The following PKD2L1 variants were observed in gnomAD, a reference collection of about 807,000 sequenced individuals.
PKD2L1 encodes the protein polycystin 2 like 1, transient receptor potential cation channel.
A neutral mutation model predicts 93.0 loss-of-function variants in PKD2L1; 77 were observed. The ratio of observed to expected loss-of-function variants is 0.83; its 90% CI spans 0.69 to 1.00. PKD2L1 has a LOEUF of 1.00. Among genes scored for constraint, PKD2L1 ranks in the 50% least tolerant of loss-of-function variants. The probability of loss-of-function intolerance (pLI) is 0.00; values close to 1 mark genes in which losing one functional copy is unlikely to be tolerated. For synonymous variants in PKD2L1, 390 were observed against 388.0 expected (o/e 1.01, Z -0.06); for missense variants, 977 against 990.9 (o/e 0.99, Z 0.19).
At chr10:100,291,253 G>A (rs1186140477) in intron 12 of PKD2L1, 48 bp downstream of exon 12, 4 of 1,583,234 alleles carry the variant, frequency 2.5e-6, no homozygotes, top group South Asian at 2.3e-5. Flanking sequence ...GGAAGGAGAG[G>A]GTGAGCTATT....
In PKD2L1 at chr10:100,296,034, C is replaced by CAAA. The variant is rs200777805; in HGVS notation, c.1356+85_1356+87dup. 614 of 979,936 alleles carry CAAA rather than the reference C, an allele frequency of 6.3e-4. 1 individual carries two copies. Among genetic ancestry groups the CAAA allele is most frequent in the African/African-American group, 5.6e-3 (236 of 42,282 alleles). 60.7% of individuals were successfully genotyped at this position (979,936 alleles called of 1,614,324 possible). Reference sequence around the variant, plus strand: ...CCTGGGCAAGAGCGAGACTCCATCTCAAAAAAAAAAAAAAGAAAAAAAAGA... The same window carrying CAAA: ...CCTGGGCAAGAGCGAGACTCCATCTCAAAAAAAAAAAAAAAAAGAAAAAAAAGA... On this transcript the variant is annotated intron_variant, in intron 7 of 15. Transcript: ENST00000318222.
chr10:100,318,996 C>T (rs923846206), intron 2 of PKD2L1, among the ~76,000 whole-genome samples: 5 of 151,912 alleles, frequency 3.3e-5, no homozygotes, highest in African/African-American at 1.2e-4. Context: ...CAGGCACACA[C>T]CGCTGTGCCC....
At chr10:100,326,546 G>A (rs996241882) in intron 2 of PKD2L1, among the ~76,000 whole-genome samples, 1 of 152,172 alleles carries the variant, frequency 6.6e-6, no homozygotes, top group East Asian at 1.9e-4. Context: ...AGAAATAATG[G>A]CATCACAGTA....
chr10:100,293,048 T>C lies in PKD2L1; in HGVS notation c.1780A>G (p.Arg594Gly). The C allele has an allele frequency of 6.2e-7, 1 of 1,614,090 alleles. No individual in the cohort carries two copies. Among genetic ancestry groups the C allele is most frequent in the Non-Finnish European group, 8.5e-7 (1 of 1,179,984 alleles). The change falls in exon 11 of 16, where the codon AGA becomes GGA. Residue 594 changes from arginine (R) to glycine (G), a missense_variant. Coordinates refer to ENST00000318222, the MANE Select transcript of PKD2L1 (RefSeq NM_016112.3). ...LKQGYNKTLL[R>G]LRLRKERVSD... ...ACCCTCTCCTTCCTCAGACGCAGTC[T>C]TAGTAGGGTCTTGTTGTAGCCCTGA...
chr10:100,317,846 T>G (rs1234278228), intron 2 of PKD2L1, among the ~76,000 whole-genome samples: 3 of 152,114 alleles, frequency 2.0e-5, no homozygotes, highest in Non-Finnish European at 4.4e-5. Context: ...TTTGGGAGGC[T>G]GAGGTGGGCA....
chr10:100,329,034 A>C (rs1849440605), intron 2 of PKD2L1, among the ~76,000 whole-genome samples, 177 bp downstream of exon 2: 1 of 152,236 alleles, frequency 6.6e-6, no homozygotes, highest in African/African-American at 2.4e-5. Context: ...AAAATATCTT[A>C]AGCTGCAAAG....
In PKD2L1 at chr10:100,301,859, G is replaced by C. The variant is rs550200479; in HGVS notation, c.350-2141C>G. ...TGTCCATGAAATCTTCACAATTTAT[G>C]TTCTTCTGTCACGGCTTCAGCAGGT... On this transcript the variant is annotated intron_variant, in intron 2 of 15. Coordinates refer to ENST00000318222, the MANE Select transcript of PKD2L1 (RefSeq NM_016112.3). Among the ~76,000 whole-genome samples the C allele has an allele frequency of 5.9e-5, 9 of 152,340 alleles. No homozygotes were observed. In the South Asian group the frequency reaches 1.9e-3, roughly 32 times the overall value.
intron 2 of PKD2L1, among the ~76,000 whole-genome samples, chr10:100,317,452 T>C (rs1849125297): frequency 6.6e-6 from 1 of 152,058 alleles, no homozygotes; most frequent in Admixed American, 6.5e-5. Context: ...GGTGGGAGGA[T>C]TGCTTGAGCC....
chr10:100,292,827 T>C (rs759238690), intron 11 of PKD2L1, 121 bp downstream of exon 11: 1 of 1,019,210 alleles, frequency 9.8e-7, no homozygotes, highest in Non-Finnish European at 1.4e-6. Flanking sequence ...ATCTGAAGCC[T>C]GCAAGTCAAG....
At chr10:100,289,854 C>CA (rs1848364745) in intron 14 of PKD2L1, among the ~76,000 whole-genome samples, 161 bp downstream of exon 14, 1 of 152,212 alleles carries the variant, frequency 6.6e-6, no homozygotes. Flanking sequence ...GCCTTATCTC[C>CA]ATGACCCATC....
Position 100,294,529 on chromosome 10 carries a change from C to T in PKD2L1, c.1659+6G>A. On this transcript the variant is annotated splice_donor_region_variant and intron_variant, in intron 9 of 15. Transcript: ENST00000318222. Reference sequence around the variant, plus strand: ...CTATGTCCCCACCCCTCAGAGAGACCCTCACCAGGAGCACGAAGAAGACGA... The same window carrying T: ...CTATGTCCCCACCCCTCAGAGAGACTCTCACCAGGAGCACGAAGAAGACGA... 1 of 1,614,056 alleles carries T rather than the reference C, an allele frequency of 6.2e-7. No individual in the cohort carries two copies. The highest frequency in any genetic ancestry group is 8.5e-7 in the Non-Finnish European group (1 of 1,179,982).
chr10:100,328,447 T>C (rs1371513147), intron 2 of PKD2L1, among the ~76,000 whole-genome samples: 4 of 152,234 alleles, frequency 2.6e-5, no homozygotes, highest in Admixed American at 6.5e-5. Context: ...ATCTGAGATC[T>C]AAGGTCGCCT....
At chr10:100,299,239 G>A (rs927801005) in intron 3 of PKD2L1, among the ~76,000 whole-genome samples, 4 of 152,174 alleles carry the variant, frequency 2.6e-5, no homozygotes, top group African/African-American at 9.7e-5. Context: ...TTACAAGTGT[G>A]AGCCACCGTG....
Position 100,329,945 on chromosome 10 carries a change from A to T in PKD2L1, c.159T>A (p.Pro53=). ...ATGCCGTCTCCTGGGGTTCATCTTC[A>T]GGCTTCTTGGGTTGGGGCTGGAGAG... ...TGPLQPQPKK[P]EDEPQETAYR... is the part of the protein sequence containing the mutation. The change falls in exon 1 of 16, where the codon CCT becomes CCA. Residue 53 remains proline, a synonymous_variant. Transcript: ENST00000318222. 15 of 1,613,996 alleles carry T rather than the reference A, an allele frequency of 9.3e-6. No individual in the cohort carries two copies. Among genetic ancestry groups the T allele is most frequent in the Non-Finnish European group, 1.3e-5 (15 of 1,179,948 alleles).
intron 2 of PKD2L1, among the ~76,000 whole-genome samples, chr10:100,328,249 T>C (rs1849421921): frequency 6.6e-6 from 1 of 152,206 alleles, no homozygotes. Flanking sequence ...TTTACGGTTC[T>C]TTGACTCTAT....
At chr10:100,298,298 G>A (rs549285597) in intron 4 of PKD2L1, among the ~76,000 whole-genome samples, 2 of 152,316 alleles carry the variant, frequency 1.3e-5, no homozygotes, top group Admixed American at 1.3e-4. Flanking sequence ...CTACGTGCAA[G>A]GTAGGACAAG....
chr10:100,299,835 C>T, intron 2 of PKD2L1, 117 bp from the exon 3 acceptor site: 2 of 874,878 alleles, frequency 2.3e-6, no homozygotes, highest in East Asian at 2.4e-5. Context: ...CCCATCTGGA[C>T]CCATCCTCTA....
Position 100,303,191 on chromosome 10 carries a change from G to GTTTTTTTTT in PKD2L1, c.350-3474_350-3473insAAAAAAAAA, listed in dbSNP as rs146131470. Among the ~76,000 whole-genome samples the GTTTTTTTTT allele has an allele frequency of 1.6e-4, 21 of 128,994 alleles. 1 individual carries two copies. The highest frequency in any genetic ancestry group is 2.1e-4 in the Non-Finnish European group (13 of 62,720). 84.6% of individuals were successfully genotyped at this position (128,994 alleles called of 152,430 possible). A position where few individuals can be genotyped will look rare whatever the true frequency, so the allele number is the denominator to read the frequency against. On this transcript the variant is annotated intron_variant, in intron 2 of 15. Coordinates refer to ENST00000318222, the MANE Select transcript of PKD2L1 (RefSeq NM_016112.3). ...TTTAAGTCCATAATTACATCAAACT[G>GTTTTTTTTT]TTTTTTTGTTTTTTTTTTTGAGACG...
At chr10:100,292,417 G>A (rs929149937) in intron 11 of PKD2L1, among the ~76,000 whole-genome samples, 1 of 151,908 alleles carries the variant, frequency 6.6e-6, no homozygotes, top group Non-Finnish European at 1.5e-5. Context: ...GCTTGACCCC[G>A]GGGAAGCTGA....
Sources: allele counts gnomAD v4.1 joint callset (sites outside exome capture counted in the v4.1 genomes callset), GRCh38; gene constraint gnomAD v4.1.1; transcripts MANE v1.5; gene names NCBI Gene and HGNC (gene_info 2026-07-23, HGNC 2026-07-21).